Variants in NBDY observed in about 807,000 individuals in gnomAD.
NBDY encodes P-body dissociating protein.
At chrX:56,739,544 T>TA (rs1166370174) in intron 2 of NBDY, among the ~76,000 whole-genome samples, 1 of 108,320 alleles carries the variant, frequency 9.2e-6, no homozygotes, top group East Asian at 2.9e-4. Flanking sequence ...ACAGGACACT[T>TA]ATTTCATAGA....
In NBDY at chrX:56,739,250, ATATATATATATATG is replaced by A. The variant is rs2069516942; in HGVS notation, c.*166+7055_*166+7068del. 3.1e-4 allele frequency among the ~76,000 whole-genome samples: 25 copies of A among 80,613 alleles called. No individual in the cohort carries two copies. In the Admixed American group the frequency reaches 3.5e-3, roughly 11 times the overall value. The allele number at this position is 80,613 out of a possible 115,157, so 70.0% of individuals were successfully genotyped here. A position where few individuals can be genotyped will look rare whatever the true frequency, so the allele number is the denominator to read the frequency against. On this transcript the variant is annotated intron_variant, in intron 2 of 2. Transcript: ENST00000374922. Reference sequence around the variant, plus strand: ...TGTGTTTGTGTGTGTATATATATATATATATATATATATGTATGTATATATATATATTTTTATAT... The same window carrying A: ...TGTGTTTGTGTGTGTATATATATATATATGTATATATATATATTTTTATAT...
At chrX:56,802,019 T>C in intron 2 of NBDY, among the ~76,000 whole-genome samples, 1 of 98,487 alleles carries the variant, frequency 1.0e-5, no homozygotes, top group Non-Finnish European at 2.1e-5. Context: ...CACACACAAA[T>C]CCTCACACAG....
chrX:56,808,260 G>A (rs1362333592), intron 2 of NBDY, among the ~76,000 whole-genome samples: 1 of 111,927 alleles, frequency 8.9e-6, no homozygotes, highest in Non-Finnish European at 1.9e-5. Flanking sequence ...GATGATGCTG[G>A]CCTCATAAAA....
chrX:56,782,125 T>C (rs2069695493), intron 2 of NBDY, among the ~76,000 whole-genome samples: 1 of 111,671 alleles, frequency 9.0e-6, no homozygotes. Context: ...TTGTCACTCA[T>C]TGTGTATGTC....
chrX:56,753,825 G>A (rs2069597422), intron 2 of NBDY, among the ~76,000 whole-genome samples: 1 of 111,152 alleles, frequency 9.0e-6, no homozygotes, highest in Non-Finnish European at 1.9e-5. Context: ...TATCAAAGGA[G>A]GTCCTGTATT....
chrX:56,786,466 GTTC>G (rs1345131213), intron 2 of NBDY, among the ~76,000 whole-genome samples: 2 of 110,750 alleles, frequency 1.8e-5, no homozygotes, highest in Non-Finnish European at 3.8e-5. Flanking sequence ...TCTGCTTCTG[GTTC>G]TTCTTCATCT....
chrX:56,799,521 C>T (rs945938672), intron 2 of NBDY, among the ~76,000 whole-genome samples: 7 of 113,248 alleles, frequency 6.2e-5, no homozygotes, highest in Admixed American at 4.6e-4. Flanking sequence ...AGGTACACTT[C>T]CTTAAGGGCT....
intron 2 of NBDY, among the ~76,000 whole-genome samples, chrX:56,814,851 CT>C (rs896321657): frequency 8.4e-4 from 87 of 103,589 alleles, no homozygotes; most frequent in Middle Eastern, 0.01. Context: ...TGGGGTATTT[CT>C]TTTTTTTTTT....
intron 2 of NBDY, among the ~76,000 whole-genome samples, chrX:56,756,002 G>T (rs2146720694): frequency 9.4e-6 from 1 of 106,087 alleles, no homozygotes; most frequent in East Asian, 3.0e-4. Flanking sequence ...GGACATGGAT[G>T]AAATTGGAAA....
chrX:56,751,375 A>G (rs2069584546), intron 2 of NBDY, among the ~76,000 whole-genome samples: 2 of 111,559 alleles, frequency 1.8e-5, no homozygotes, highest in East Asian at 2.8e-4. Context: ...GTATTTGTCT[A>G]TTATTGCACA....
intron 2 of NBDY, among the ~76,000 whole-genome samples, chrX:56,754,761 A>G (rs921256535): frequency 9.0e-6 from 1 of 110,735 alleles, no homozygotes; most frequent in African/African-American, 3.3e-5. Context: ...TTGAAACCTG[A>G]CTCTACACCT....
intron 2 of NBDY, among the ~76,000 whole-genome samples, chrX:56,791,351 C>T (rs774235768): frequency 1.8e-5 from 2 of 111,921 alleles, no homozygotes; most frequent in African/African-American, 6.5e-5. Context: ...GCTCTGTCTC[C>T]GTATTGCCAT....
At chrX:56,761,031 C>G (rs2069635105) in intron 2 of NBDY, among the ~76,000 whole-genome samples, 1 of 111,879 alleles carries the variant, frequency 8.9e-6, no homozygotes, top group South Asian at 3.8e-4. Flanking sequence ...CTGGCGCGTG[C>G]CTAGAGAAAA....
rs1374225199 is a variant in NBDY, at chrX:56,738,382, T to G, written c.*166+6183T>G. ...TCTCACCGACAGGCAAGTAAACAAT[T>G]CTGCAGTGGACACCAGCTGGGTGTT... On this transcript the variant is annotated intron_variant, in intron 2 of 2. Coordinates refer to ENST00000374922, the MANE Select transcript of NBDY (RefSeq NM_001348129.2). Among the ~76,000 whole-genome samples the G allele has an allele frequency of 3.6e-5, 4 of 112,006 alleles. No homozygotes were observed. In the South Asian group the frequency reaches 1.5e-3, roughly 42 times the overall value.
chrX:56,805,539 G>C (rs1426112294), intron 2 of NBDY, among the ~76,000 whole-genome samples: 1 of 112,107 alleles, frequency 8.9e-6, no homozygotes, highest in Non-Finnish European at 1.9e-5. Flanking sequence ...GTCCCTATCT[G>C]TGTGGCTTTC....
Position 56,731,937 on chromosome X carries a change from C to G in NBDY, c.*30-126C>G, listed in dbSNP as rs1485980434. The G allele has an allele frequency of 4.1e-5, 11 of 269,064 alleles. No homozygotes were observed. In the East Asian group the frequency reaches 5.3e-4, roughly 13 times the overall value. The allele number at this position is 269,064 out of a possible 1,213,427, so 22.2% of individuals were successfully genotyped here. A position where few individuals can be genotyped will look rare whatever the true frequency, so the allele number is the denominator to read the frequency against. ...ATCCCTTCTAATACTATGTATACAACTGTTTTATAGGAATAAATCATTGAA... is the reference window on the plus strand; with the variant it reads ...ATCCCTTCTAATACTATGTATACAAGTGTTTTATAGGAATAAATCATTGAA... On this transcript the variant is annotated intron_variant, in intron 1 of 2. Transcript: ENST00000374922.
chrX:56,731,022 A>G (rs2069454982), intron 1 of NBDY, among the ~76,000 whole-genome samples: 1 of 111,344 alleles, frequency 9.0e-6, no homozygotes, highest in Non-Finnish European at 1.9e-5. Context: ...CTAGTACATA[A>G]TAGGAGTGAA....
intron 2 of NBDY, among the ~76,000 whole-genome samples, chrX:56,786,756 G>A (rs1005168548): frequency 9.1e-6 from 1 of 109,732 alleles, no homozygotes; most frequent in African/African-American, 3.3e-5. Context: ...GGATCTGGGC[G>A]GGCAATTGTT....
chrX:56,735,400 C>A (rs2069482556), intron 2 of NBDY, among the ~76,000 whole-genome samples: 1 of 112,307 alleles, frequency 8.9e-6, no homozygotes, highest in Non-Finnish European at 1.9e-5. Flanking sequence ...TCAGAGGTTG[C>A]CCTATGTAAT....
Sources: allele counts gnomAD v4.1 joint callset (sites outside exome capture counted in the v4.1 genomes callset), GRCh38; gene constraint gnomAD v4.1.1; transcripts MANE v1.5; gene names NCBI Gene and HGNC (gene_info 2026-07-23, HGNC 2026-07-21).